The following BBS9 variants were observed in gnomAD, a reference collection of about 807,000 sequenced individuals.
BBS9 encodes the protein protein PTHB1.
BBS9 carries 89 observed loss-of-function variants against 117.7 expected under a neutral mutation model. The ratio of observed to expected loss-of-function variants is 0.76; its 90% CI spans 0.64 to 0.90. The LOEUF (loss-of-function observed/expected upper bound fraction) is 0.90. Ranked by LOEUF, BBS9 falls within the 40% of genes least tolerant of loss-of-function variation. BBS9 has a pLI of 0.00. For missense variants in BBS9, 982 were observed against 1,042.2 expected (o/e 0.94, Z 0.80); for synonymous variants, 379 against 370.9 (o/e 1.02, Z -0.25).
intron 21 of BBS9, among the ~76,000 whole-genome samples, chr7:33,584,455 T>C (rs1860543321): frequency 6.6e-6 from 1 of 152,080 alleles, no homozygotes. Flanking sequence ...TTATGTTGCC[T>C]ATTAGTTTTA....
chr7:33,338,561 G>T (rs1160053315), intron 10 of BBS9, among the ~76,000 whole-genome samples: 2 of 152,100 alleles, frequency 1.3e-5, no homozygotes, highest in Non-Finnish European at 2.9e-5. Flanking sequence ...AAAATTTAAA[G>T]CCAGTTTAAA....
At chr7:33,309,782 AGG>A (rs1355969315) in intron 9 of BBS9, among the ~76,000 whole-genome samples, 1 of 152,196 alleles carries the variant, frequency 6.6e-6, no homozygotes, top group Admixed American at 6.5e-5. Context: ...GTGGTATTGG[AGG>A]TTACAGACTA....
Position 33,537,499 on chromosome 7 carries a change from GT to G in BBS9, c.2521+3324del, listed in dbSNP as rs530126851. ...TTTATTTCTCTCATCTGTAGCTCTG[GT>G]GTTCACATCTTTCTGCTGGTGAATA... On this transcript the variant is annotated intron_variant, in intron 21 of 22. Coordinates refer to ENST00000242067, the MANE Select transcript of BBS9 (RefSeq NM_198428.3). Among the ~76,000 whole-genome samples the G allele has an allele frequency of 1.6e-3, 247 of 152,250 alleles. 1 individual carries two copies. The highest frequency in any genetic ancestry group is 5.9e-3 in the African/African-American group (243 of 41,528).
intron 21 of BBS9, among the ~76,000 whole-genome samples, chr7:33,555,708 C>T (rs552598748): frequency 3.9e-5 from 6 of 152,096 alleles, no homozygotes; most frequent in Non-Finnish European, 7.4e-5. Flanking sequence ...TGTCATTCAT[C>T]AAGAAGACAT....
At chr7:33,340,795 TG>T in intron 10 of BBS9, 101 bp from the exon 11 acceptor site, 4 of 907,330 alleles carry the variant, frequency 4.4e-6, no homozygotes, top group East Asian at 2.7e-5. Flanking sequence ...AGTATGTTTA[TG>T]GGGTTTTTTT....
intron 5 of BBS9, among the ~76,000 whole-genome samples, chr7:33,218,627 ACT>A (rs1789533360): frequency 6.6e-6 from 1 of 152,146 alleles, no homozygotes; most frequent in African/African-American, 2.4e-5. Flanking sequence ...CTTCTGTGAA[ACT>A]CTTTGCTAGG....
chr7:33,327,036 C>G (rs985221284), intron 9 of BBS9, among the ~76,000 whole-genome samples: 1 of 151,998 alleles, frequency 6.6e-6, no homozygotes. Flanking sequence ...GGCACTGAGC[C>G]CAGTGAAGCA....
intron 5 of BBS9, among the ~76,000 whole-genome samples, chr7:33,242,338 T>TG (rs1450458871): frequency 1.3e-5 from 2 of 152,058 alleles, no homozygotes; most frequent in African/African-American, 4.8e-5. Context: ...TGCTTTGTAC[T>TG]GGGGAGATAA....
intron 9 of BBS9, among the ~76,000 whole-genome samples, chr7:33,332,698 A>G (rs1392414928): frequency 6.6e-6 from 1 of 151,878 alleles, no homozygotes; most frequent in African/African-American, 2.4e-5. Context: ...AACAACAACA[A>G]CAACAACAAC....
chr7:33,350,945 A>G (rs930174911), intron 13 of BBS9, among the ~76,000 whole-genome samples: 1 of 152,084 alleles, frequency 6.6e-6, no homozygotes, highest in Admixed American at 6.5e-5. Context: ...CCGCCCACCT[A>G]GGCCTCCCAA....
At chr7:33,558,978 C>T (rs1199046150) in intron 21 of BBS9, among the ~76,000 whole-genome samples, 1 of 152,126 alleles carries the variant, frequency 6.6e-6, no homozygotes, top group Non-Finnish European at 1.5e-5. Context: ...GACCTTCTTC[C>T]CCTAAGTACA....
chr7:33,634,737 A>C (rs1022360955), intron 21 of BBS9, among the ~76,000 whole-genome samples: 1 of 152,222 alleles, frequency 6.6e-6, no homozygotes, highest in African/African-American at 2.4e-5. Flanking sequence ...GTAAGCATGC[A>C]GTGTGTATGT....
intron 16 of BBS9, among the ~76,000 whole-genome samples, chr7:33,361,135 A>G (rs936976363): frequency 6.6e-6 from 1 of 152,152 alleles, no homozygotes; most frequent in African/African-American, 2.4e-5. Context: ...AATTTTTGTC[A>G]CATGGCTTCC....
chr7:33,495,407 C>A (rs73688884), intron 19 of BBS9, among the ~76,000 whole-genome samples: 2,179 of 152,278 alleles, frequency 0.014, 60 homozygotes, highest in African/African-American at 0.05. Flanking sequence ...ACTGACATGT[C>A]TGCATGTAGG....
chr7:33,163,489 T>C (rs1795189295), intron 4 of BBS9, among the ~76,000 whole-genome samples: 1 of 152,194 alleles, frequency 6.6e-6, no homozygotes, highest in Non-Finnish European at 1.5e-5. Flanking sequence ...ATGCTATTAA[T>C]TATTGCCTCA....
At chr7:33,184,571 C>T (rs559063932) in intron 5 of BBS9, among the ~76,000 whole-genome samples, 1 of 152,110 alleles carries the variant, frequency 6.6e-6, no homozygotes, top group Non-Finnish European at 1.5e-5. Context: ...GTCATTTAAC[C>T]CATTCTGTCT....
intron 19 of BBS9, among the ~76,000 whole-genome samples, chr7:33,492,741 T>C (rs1844163094): frequency 6.6e-6 from 1 of 151,792 alleles, no homozygotes; most frequent in Non-Finnish European, 1.5e-5. Context: ...AGGAGTCATT[T>C]ATAGGTATTT....
chr7:33,149,087 A>G (rs770067319), intron 2 of BBS9, among the ~76,000 whole-genome samples: 3 of 152,130 alleles, frequency 2.0e-5, no homozygotes, highest in Non-Finnish European at 4.4e-5. Context: ...CTTAGCTGTG[A>G]ATTGAAGAAG....
chr7:33,546,811 T>A (rs1291431079), intron 21 of BBS9, among the ~76,000 whole-genome samples: 4 of 152,212 alleles, frequency 2.6e-5, no homozygotes, highest in Non-Finnish European at 5.9e-5. Context: ...TAGTAAATTT[T>A]CCATCTGTGC....
Sources: allele counts gnomAD v4.1 joint callset (sites outside exome capture counted in the v4.1 genomes callset), GRCh38; gene constraint gnomAD v4.1.1; transcripts MANE v1.5; gene names NCBI Gene and HGNC (gene_info 2026-07-23, HGNC 2026-07-21).